Variants in RFC2 observed in about 807,000 individuals in gnomAD.
RFC2 encodes the protein replication factor C subunit 2, also known as A1 40 kDa subunit.
In RFC2, 34 loss-of-function variants were observed where a neutral mutation model predicts 44.8. The observed-to-expected ratio is 0.76, with a 90% confidence interval of 0.58 to 1.01. The LOEUF (loss-of-function observed/expected upper bound fraction) is 1.01, where lower values mean the gene tolerates loss of function less well. Ranked by LOEUF, RFC2 falls within the 50% of genes least tolerant of loss-of-function variation. RFC2 has a pLI of 0.00. For missense variants in RFC2, 400 were observed against 453.6 expected (o/e 0.88, Z 1.07); for synonymous variants, 177 against 168.9 (o/e 1.05, Z -0.37).
At chr7:74,252,597 A>C in intron 1 of RFC2, 99 bp from the exon 2 acceptor site, 1 of 762,714 alleles carries the variant, frequency 1.3e-6, no homozygotes, top group Non-Finnish European at 2.4e-6. Context: ...AAAAAATTAC[A>C]TACATTCAGT....
intron 5 of RFC2, among the ~76,000 whole-genome samples, chr7:74,243,801 A>G (rs1554719579): frequency 6.7e-6 from 1 of 150,372 alleles, no homozygotes; most frequent in Non-Finnish European, 1.5e-5. Context: ...TTTCTACAAA[A>G]AATTTTAAAA....
intron 9 of RFC2, among the ~76,000 whole-genome samples, chr7:74,236,646 G>A (rs908254690): frequency 1.3e-5 from 2 of 152,202 alleles, no homozygotes; most frequent in African/African-American, 4.8e-5. Flanking sequence ...GAGAATGGAT[G>A]GGGACACTTC....
chr7:74,248,981 G>GC lies in RFC2; in HGVS notation c.332+30dup, dbSNP rs781903198. 34 of 1,468,592 alleles carry GC rather than the reference G, an allele frequency of 2.3e-5. No homozygotes were observed. The Admixed American group carries it at 2.7e-4, about 12-fold the overall frequency. 91.0% of individuals were successfully genotyped at this position (1,468,592 alleles called of 1,614,324 possible). A position where few individuals can be genotyped will look rare whatever the true frequency, so the allele number is the denominator to read the frequency against. The stretch of plus-strand genomic sequence containing the variant: ...TAACAATTCTCAATGCAGAGCACCC[G>GC]CCCCCCTACAGGTCTGACTCTAAGA... On this transcript the variant is annotated intron_variant, in intron 4 of 10. Transcript: ENST00000055077.
intron 4 of RFC2, among the ~76,000 whole-genome samples, chr7:74,247,777 T>A (rs1803706254): frequency 6.6e-6 from 1 of 152,174 alleles, no homozygotes; most frequent in Non-Finnish European, 1.5e-5. Flanking sequence ...CAGATGCCAA[T>A]ATCCTCCAGA....
rs1802977280 is a variant in RFC2 at position 74,235,662 on chromosome 7, G to A, written c.841-17C>T. On this transcript the variant is annotated splice_polypyrimidine_tract_variant and intron_variant, in intron 9 of 10. Coordinates refer to ENST00000055077, the MANE Select transcript of RFC2 (RefSeq NM_181471.3). ...AGCAAGAATCTAGACAAAGGAGACAGAAAAGGCTGCTTACCACTTTAAACT... is the reference window on the plus strand; with the variant it reads ...AGCAAGAATCTAGACAAAGGAGACAAAAAAGGCTGCTTACCACTTTAAACT... 6.6e-7 allele frequency: 1 copy of A among 1,520,060 alleles called. No individual in the cohort carries two copies. The highest frequency in any genetic ancestry group is 9.1e-7 in the Non-Finnish European group (1 of 1,094,380). The allele number at this position is 1,520,060 out of a possible 1,614,324, so 94.2% of individuals were successfully genotyped here. A position where few individuals can be genotyped will look rare whatever the true frequency, so the allele number is the denominator to read the frequency against.
At chr7:74,251,214 G>C (rs1786918785) in intron 2 of RFC2, among the ~76,000 whole-genome samples, 1 of 152,014 alleles carries the variant, frequency 6.6e-6, no homozygotes, top group African/African-American at 2.4e-5. Flanking sequence ...GCAGTGGCGT[G>C]ATCATAGCTC....
At chr7:74,246,638 A>C in intron 5 of RFC2, 24 bp downstream of exon 5, 2 of 1,476,350 alleles carry the variant, frequency 1.4e-6, no homozygotes, top group Non-Finnish European at 9.4e-7. Context: ...TCAAGGTCAA[A>C]ATACATTTGG....
At chr7:74,233,702 G>T (rs139618008) in intron 10 of RFC2, 1 of 409,518 alleles carries the variant, frequency 2.4e-6, no homozygotes, top group African/African-American at 2.0e-5. Flanking sequence ...CTGGGTTCAA[G>T]CGATCCTCCT....
chr7:74,234,096 G>A (rs1445801576), intron 10 of RFC2, among the ~76,000 whole-genome samples: 2 of 152,096 alleles, frequency 1.3e-5, no homozygotes, highest in Non-Finnish European at 2.9e-5. Flanking sequence ...TGTGGTACAC[G>A]CACAGGATGG....
In RFC2 at chr7:74,232,178, C is replaced by G. The variant is rs1563983121; in HGVS notation, c.993G>C (p.Val331=). 6.2e-7 allele frequency: 1 copy of G among 1,613,312 alleles called. No individual in the cohort carries two copies. Among genetic ancestry groups the G allele is most frequent in the South Asian group, 1.1e-5 (1 of 91,064 alleles). Residue 331 remains valine, a synonymous_variant, in exon 11 of 11, where the codon GTG becomes GTC. Coordinates refer to ENST00000055077, the MANE Select transcript of RFC2 (RefSeq NM_181471.3). ...GGCCTGCCATCTGCAAAAGAGAGTT[C>G]ACTCCTTCCGCTATTTTCATGTGAG... is the stretch of plus-strand genomic sequence containing the variant. ...GYTHMKIAEG[V]NSLLQMAGLL... is the part of the protein sequence containing the mutation.
intron 2 of RFC2, among the ~76,000 whole-genome samples, chr7:74,251,995 A>T (rs2116349949): frequency 6.9e-6 from 1 of 143,982 alleles, no homozygotes; most frequent in Non-Finnish European, 1.5e-5. Flanking sequence ...GTTACTCCGG[A>T]GGCTGAGGCA....
At chr7:74,250,485 C>G (rs1786868658) in intron 2 of RFC2, among the ~76,000 whole-genome samples, 1 of 152,088 alleles carries the variant, frequency 6.6e-6, no homozygotes, top group African/African-American at 2.4e-5. Flanking sequence ...CTGTACAAAC[C>G]TGAGGCCCCA....
intron 2 of RFC2, among the ~76,000 whole-genome samples, chr7:74,251,797 CAA>C (rs1158873785): frequency 8.8e-5 from 5 of 56,930 alleles, no homozygotes; most frequent in Non-Finnish European, 1.7e-4. Context: ...GACTCCATCT[CAA>C]AAAAAAAAAA....
chr7:74,241,410 G>A (rs1217451362), intron 6 of RFC2, among the ~76,000 whole-genome samples: 2 of 152,224 alleles, frequency 1.3e-5, no homozygotes, highest in African/African-American at 4.8e-5. Flanking sequence ...GTGCGATTTT[G>A]GGAAGGGAAA....
chr7:74,243,728 T>C (rs1803456025), intron 5 of RFC2, among the ~76,000 whole-genome samples: 1 of 150,316 alleles, frequency 6.7e-6, no homozygotes, highest in Non-Finnish European at 1.5e-5. Context: ...AAAAGGCTGA[T>C]GCGGGAGGAC....
At chr7:74,237,582 A>T (rs1803094460) in intron 8 of RFC2, 140 bp from the exon 9 acceptor site, 1 of 498,890 alleles carries the variant, frequency 2.0e-6, no homozygotes, top group Admixed American at 3.2e-5. Flanking sequence ...AGCAACCAGG[A>T]TGAGTTTGGG....
chr7:74,236,693 G>C (rs1310640087), intron 9 of RFC2, among the ~76,000 whole-genome samples: 2 of 152,202 alleles, frequency 1.3e-5, no homozygotes, highest in African/African-American at 4.8e-5. Context: ...CCTGGAGAAG[G>C]AGCTAGGCTG....
intron 2 of RFC2, among the ~76,000 whole-genome samples, chr7:74,252,180 G>A (rs1395021056): frequency 6.6e-6 from 1 of 150,910 alleles, no homozygotes; most frequent in Non-Finnish European, 1.5e-5. Flanking sequence ...GGCCGAGGCG[G>A]GAGGATCATG....
At chr7:74,234,406 G>A (rs991081124) in intron 10 of RFC2, among the ~76,000 whole-genome samples, 3 of 152,076 alleles carry the variant, frequency 2.0e-5, no homozygotes, top group Non-Finnish European at 4.4e-5. Context: ...CGTTTGTCCT[G>A]TACCTAACAG....
Sources: gnomAD v4.1 joint callset for allele counts (sites outside exome capture counted in the v4.1 genomes callset) on GRCh38, gnomAD v4.1.1 for gene constraint, MANE v1.5 for transcripts, NCBI Gene and HGNC (gene_info 2026-07-23, HGNC 2026-07-21) for gene names.